PCSK6: variants seen among roughly 807,000 people sequenced by gnomAD.
PCSK6 encodes proprotein convertase subtilisin/kexin type 6.
PCSK6 carries 85 observed loss-of-function variants against 123.3 expected under a neutral mutation model. That is an observed-to-expected ratio of 0.69 (90% CI 0.58 to 0.83). PCSK6 has a LOEUF of 0.83. PCSK6 is among the 40% of genes least tolerant of loss of function. PCSK6 has a pLI of 0.00. For synonymous variants in PCSK6, 508 were observed against 516.0 expected (o/e 0.98, Z 0.21); for missense variants, 1,191 against 1,282.3 (o/e 0.93, Z 1.09).
chr15:101,443,663 G>C lies in PCSK6; in HGVS notation c.298-3C>G. ...TAGTAATCTTCCAGGTTTCCAATCTGCAAGACAAGAAGCAGAATGCCATCA... is the reference window on the plus strand; with the variant it reads ...TAGTAATCTTCCAGGTTTCCAATCTCCAAGACAAGAAGCAGAATGCCATCA... On this transcript the variant is annotated splice_region_variant and splice_polypyrimidine_tract_variant and intron_variant, in intron 1 of 21. Transcript: ENST00000611716. 1 of 1,606,082 alleles carries C rather than the reference G, an allele frequency of 6.2e-7. No individual in the cohort carries two copies. Among genetic ancestry groups the C allele is most frequent in the Non-Finnish European group, 8.5e-7 (1 of 1,172,786 alleles).
intron 12 of PCSK6, among the ~76,000 whole-genome samples, chr15:101,369,234 C>T (rs2141462860): frequency 6.6e-6 from 1 of 152,356 alleles, no homozygotes; most frequent in Admixed American, 6.5e-5. Flanking sequence ...TGGACAATGG[C>T]CCTGTCTACC....
At chr15:101,347,280 T>C (rs1024176466) in intron 13 of PCSK6, 2 of 1,232,350 alleles carry the variant, frequency 1.6e-6, no homozygotes, top group Non-Finnish European at 2.0e-6. Flanking sequence ...GAAATGAAGA[T>C]TAGCTCAAAA....
At chr15:101,381,576 A>C (rs2041911108) in intron 11 of PCSK6, among the ~76,000 whole-genome samples, 1 of 152,188 alleles carries the variant, frequency 6.6e-6, no homozygotes, top group Non-Finnish European at 1.5e-5. Context: ...TCTGTGAATA[A>C]TAAGCAGTAC....
chr15:101,442,179 T>C (rs2056771426), intron 2 of PCSK6, among the ~76,000 whole-genome samples: 1 of 152,230 alleles, frequency 6.6e-6, no homozygotes, highest in Non-Finnish European at 1.5e-5. Context: ...CCCCATGTGA[T>C]GGGGTGAGAC....
chr15:101,315,580 CAG>C (rs2039971703), intron 19 of PCSK6, among the ~76,000 whole-genome samples: 1 of 152,264 alleles, frequency 6.6e-6, no homozygotes, highest in Admixed American at 6.5e-5. Context: ...GGGACTAAAA[CAG>C]AAAGCGTTTT....
intron 1 of PCSK6, among the ~76,000 whole-genome samples, chr15:101,480,324 G>C (rs183213235): frequency 6.6e-6 from 1 of 152,250 alleles, no homozygotes; most frequent in Non-Finnish European, 1.5e-5. Flanking sequence ...GTCCATGTGC[G>C]GCTGGGCAGA....
At chr15:101,385,241 T>C (rs1038253657) in intron 9 of PCSK6, among the ~76,000 whole-genome samples, 15 of 152,286 alleles carry the variant, frequency 9.8e-5, no homozygotes, top group Non-Finnish European at 2.1e-4. Context: ...TGGTCTTGAA[T>C]TCCTGGGTTC....
chr15:101,357,344 C>T (rs1043526517), intron 13 of PCSK6, among the ~76,000 whole-genome samples: 7 of 152,214 alleles, frequency 4.6e-5, no homozygotes, highest in Non-Finnish European at 8.8e-5. Context: ...ACCTCGGCAT[C>T]GACGAGGCTG....
intron 11 of PCSK6, among the ~76,000 whole-genome samples, chr15:101,374,868 G>A (rs763430777): frequency 2.6e-5 from 4 of 152,244 alleles, no homozygotes; most frequent in African/African-American, 4.8e-5. Flanking sequence ...CAAGACTGTC[G>A]TTAGGCTCTG....
chr15:101,347,018 G>T (rs757363564), intron 13 of PCSK6: 5 of 1,231,708 alleles, frequency 4.1e-6, no homozygotes, highest in Non-Finnish European at 5.1e-6. Flanking sequence ...ATGCAAATGG[G>T]GTTAAAAATG....
chr15:101,337,016 T>A (rs191251837), intron 13 of PCSK6: 1 of 152,318 alleles, frequency 6.6e-6, no homozygotes, highest in East Asian at 1.9e-4. Flanking sequence ...TCTCTCTTTT[T>A]TTTTTTTTAG....
At chr15:101,466,828 G>C (rs2057472113) in intron 1 of PCSK6, among the ~76,000 whole-genome samples, 1 of 152,260 alleles carries the variant, frequency 6.6e-6, no homozygotes, top group African/African-American at 2.4e-5. Context: ...GTAGATGAGT[G>C]GCTGCTTAGG....
chr15:101,369,936 C>A lies in PCSK6; in HGVS notation c.1721+399G>T, dbSNP rs542047046. On this transcript the variant is annotated intron_variant, in intron 12 of 21. Coordinates refer to ENST00000611716, the MANE Select transcript of PCSK6 (RefSeq NM_002570.5). ...GTGGGAGAGCTGGTGGGGGGACAAA[C>A]AGTGCTCCCTGTGGTACACATGCTC... Among the ~76,000 whole-genome samples, 3 of 152,328 alleles carry A rather than the reference C, an allele frequency of 2.0e-5. No individual in the cohort carries two copies. The South Asian group carries it at 6.2e-4, about 32-fold the overall frequency.
chr15:101,438,532 C>G (rs183682839), intron 2 of PCSK6, among the ~76,000 whole-genome samples: 13 of 152,186 alleles, frequency 8.5e-5, no homozygotes, highest in Non-Finnish European at 1.3e-4. Flanking sequence ...CCTCCTGTTG[C>G]ATTGGCAAGA....
chr15:101,305,179 G>T lies in PCSK6; in HGVS notation c.*79C>A. ...GGTGCAGGGCGCCGCTCCTGAAACA[G>T]ACTCTGGCCGACAGTCTGGAGGAAG... is the stretch of plus-strand genomic sequence containing the variant. On this transcript the variant is annotated 3_prime_UTR_variant, in exon 22 of 22. Transcript: ENST00000611716. This position sits in a 1 kb window ranked among gnomAD's most constrained non-coding sequence, Gnocchi z 4.8. The T allele has an allele frequency of 1.6e-6, 2 of 1,245,228 alleles. No homozygotes were observed. The highest frequency in any genetic ancestry group is 2.3e-6 in the Non-Finnish European group (2 of 877,416). The allele number at this position is 1,245,228 out of a possible 1,614,324, so 77.1% of individuals were successfully genotyped here.
intron 18 of PCSK6, among the ~76,000 whole-genome samples, chr15:101,320,161 C>T (rs2040084417): frequency 6.6e-6 from 1 of 152,218 alleles, no homozygotes; most frequent in Admixed American, 6.5e-5. Flanking sequence ...TCTCAGCTCA[C>T]TGCAACCTCC....
chr15:101,318,448 C>T (rs2141347931), intron 18 of PCSK6, 26 bp from the exon 19 acceptor site: 1 of 1,527,312 alleles, frequency 6.5e-7, no homozygotes, highest in East Asian at 2.4e-5. Flanking sequence ...AGGCAGATTT[C>T]CACATCCATT....
At chr15:101,467,160 G>T (rs2057481993) in intron 1 of PCSK6, among the ~76,000 whole-genome samples, 1 of 151,984 alleles carries the variant, frequency 6.6e-6, no homozygotes, top group Non-Finnish European at 1.5e-5. Context: ...ACTGACAAAG[G>T]ATTCATATGC....
chr15:101,353,053 T>A (rs1206951292), intron 13 of PCSK6, among the ~76,000 whole-genome samples: 2 of 152,210 alleles, frequency 1.3e-5, no homozygotes, highest in Non-Finnish European at 2.9e-5. Flanking sequence ...TCGGGGTGAT[T>A]CAAGCACATG....
Sources: allele counts gnomAD v4.1 joint callset (sites outside exome capture counted in the v4.1 genomes callset), GRCh38; gene constraint gnomAD v4.1.1; non-coding constraint Gnocchi (gnomAD v3.1); transcripts MANE v1.5; gene names NCBI Gene and HGNC (gene_info 2026-07-23, HGNC 2026-07-21).